Variants in EVI5 observed in about 807,000 individuals in gnomAD.
EVI5 encodes ecotropic viral integration site 5.
Under a neutral mutation model 112.0 loss-of-function variants are expected in EVI5, and 73 were observed. That is an observed-to-expected ratio of 0.65 (90% CI 0.54 to 0.79). The LOEUF (loss-of-function observed/expected upper bound fraction) is 0.79, where lower values mean the gene tolerates loss of function less well. Ranked by LOEUF, EVI5 falls within the 30% of genes least tolerant of loss-of-function variation. EVI5 has a pLI of 0.00. For missense variants in EVI5, 900 were observed against 968.8 expected, an observed-to-expected ratio of 0.93 and a Z score of 0.94; for synonymous variants, 305 against 319.9, an observed-to-expected ratio of 0.95 and a Z score of 0.50.
rs150552801 is a variant in EVI5 at position 92,612,275 on chromosome 1, A to C, written c.1828-4548T>G. On this transcript the variant is annotated intron_variant, in intron 16 of 19. Transcript: ENST00000684568. ...GAAAAAACTAAATCCAATAAAGAGG[A>C]GGAAAGGAAGAAAAAAGGAACAAAA... Among the ~76,000 whole-genome samples the C allele has an allele frequency of 1.3e-3, 197 of 152,292 alleles. 1 individual carries two copies. Among genetic ancestry groups the C allele is most frequent in the African/African-American group, 4.6e-3 (191 of 41,566 alleles).
chr1:92,565,948 C>CA (rs71586755), intron 18 of EVI5, among the ~76,000 whole-genome samples: 574 of 51,822 alleles, frequency 0.011, 19 homozygotes, highest in African/African-American at 0.022. Flanking sequence ...CCAGCCCGAG[C>CA]AAAAAAAAAA....
chr1:92,519,688 T>C (rs550515909), intron 19 of EVI5, among the ~76,000 whole-genome samples: 1 of 151,990 alleles, frequency 6.6e-6, no homozygotes, highest in Non-Finnish European at 1.5e-5. Flanking sequence ...AGGTCGGTAC[T>C]TCGAGACCAG....
At chr1:92,695,285 G>T in intron 7 of EVI5, 25 bp downstream of exon 7, 1 of 1,588,388 alleles carries the variant, frequency 6.3e-7, no homozygotes, top group Non-Finnish European at 8.6e-7. Flanking sequence ...CTCAGCTCCT[G>T]CTCTTTGTCT....
Position 92,684,291 on chromosome 1 carries a change from C to T in EVI5, c.1098-7073G>A, listed in dbSNP as rs1022633719. On this transcript the variant is annotated intron_variant, in intron 9 of 19. Transcript: ENST00000684568. ...GAATTTTCAACCCAGAATCTCATAT[C>T]CAGCCAAACTAAGCTTCAGAAGTGA... 2.0e-5 allele frequency among the ~76,000 whole-genome samples: 3 copies of T among 152,174 alleles called. No individual in the cohort carries two copies. In the East Asian group the frequency reaches 5.8e-4, roughly 29 times the overall value.
At chr1:92,579,885 T>C (rs1052107308) in intron 18 of EVI5, among the ~76,000 whole-genome samples, 1 of 152,220 alleles carries the variant, frequency 6.6e-6, no homozygotes, top group African/African-American at 2.4e-5. Flanking sequence ...TAGAAATGTA[T>C]TATAGTTTGT....
chr1:92,698,605 GAAC>G (rs1271257114), intron 5 of EVI5, among the ~76,000 whole-genome samples: 1 of 152,084 alleles, frequency 6.6e-6, no homozygotes, highest in African/African-American at 2.4e-5. Flanking sequence ...AGCAAATAGA[GAAC>G]TACTAAATTA....
In EVI5 at chr1:92,607,716, A is replaced by G; in HGVS notation, c.1839T>C (p.Asn613=). Residue 613 remains asparagine, a synonymous_variant, in exon 17 of 20, where the codon AAT becomes AAC. Transcript: ENST00000684568. ...GTTCTGCTCTTCGAAGATGGTTACT[A>G]TTGATCTGGTTCTAATAATCAGAAA... ...MMEMETQNQI[N]SNHLRRAEQE... 3 of 1,596,368 alleles carry G rather than the reference A, an allele frequency of 1.9e-6. No homozygotes were observed. In the South Asian group the frequency reaches 3.5e-5, roughly 18 times the overall value.
At chr1:92,766,547 ACT>A (rs1444476609) in intron 1 of EVI5, among the ~76,000 whole-genome samples, 2 of 152,158 alleles carry the variant, frequency 1.3e-5, no homozygotes, top group African/African-American at 2.4e-5. Flanking sequence ...AAGAATTACC[ACT>A]GTTTTGAAAA....
At chr1:92,662,293 G>C (rs1381080202) in intron 13 of EVI5, among the ~76,000 whole-genome samples, 2 of 152,150 alleles carry the variant, frequency 1.3e-5, no homozygotes, top group African/African-American at 4.8e-5. Flanking sequence ...CTTTAAATGA[G>C]ATAACTGCAT....
chr1:92,721,568 C>T (rs1035790972), intron 2 of EVI5, among the ~76,000 whole-genome samples: 4 of 152,116 alleles, frequency 2.6e-5, no homozygotes, highest in Non-Finnish European at 5.9e-5. Context: ...AGGAGAAATA[C>T]CTAATGTAAA....
chr1:92,561,112 C>T (rs995109153), intron 19 of EVI5, among the ~76,000 whole-genome samples: 3 of 152,058 alleles, frequency 2.0e-5, no homozygotes, highest in Non-Finnish European at 4.4e-5. Flanking sequence ...GCGTTGGCTG[C>T]TAAAAGCCTT....
chr1:92,608,792 T>C (rs897648796), intron 16 of EVI5, among the ~76,000 whole-genome samples: 2 of 152,202 alleles, frequency 1.3e-5, no homozygotes, highest in African/African-American at 4.8e-5. Context: ...ATATGTGTAT[T>C]TCTACATGCT....
rs1027865264 is a variant in EVI5 at position 92,706,099 on chromosome 1, G to A, written c.150-1355C>T. On this transcript the variant is annotated intron_variant, in intron 2 of 19. Transcript: ENST00000684568. ...GAAGGAAAATTTAATATATTTTCAT[G>A]GCAACAATAATTAAAATAAAATTTC... Among the ~76,000 whole-genome samples, 3 of 151,646 alleles carry A rather than the reference G, an allele frequency of 2.0e-5. No individual in the cohort carries two copies. In the South Asian group the frequency reaches 6.2e-4, roughly 32 times the overall value.
chr1:92,703,951 G>GAAAAAAAAAAAAA (rs1558110377), intron 3 of EVI5: 1 of 72,812 alleles, frequency 1.4e-5, no homozygotes. Context: ...AAAAAAAAAG[G>GAAAAAAAAAAAAA]AAAATACTGT....
intron 19 of EVI5, among the ~76,000 whole-genome samples, chr1:92,550,795 T>TATATAC (rs1409490838): frequency 5.6e-5 from 5 of 89,084 alleles, no homozygotes; most frequent in Admixed American, 5.3e-4. Flanking sequence ...TATATATATA[T>TATATAC]ATATATATAT....
At chr1:92,705,546 C>T (rs1460119337) in intron 2 of EVI5, among the ~76,000 whole-genome samples, 1 of 152,184 alleles carries the variant, frequency 6.6e-6, no homozygotes, top group Non-Finnish European at 1.5e-5. Context: ...ACTAGGTTTA[C>T]ACTGTTAAAC....
intron 1 of EVI5, among the ~76,000 whole-genome samples, chr1:92,750,863 T>G (rs1216031042): frequency 2.0e-5 from 3 of 152,188 alleles, no homozygotes; most frequent in Non-Finnish European, 4.4e-5. Context: ...TTAAAACATA[T>G]TTTTGGGCCG....
chr1:92,538,417 A>C (rs927534643), intron 19 of EVI5, among the ~76,000 whole-genome samples: 2 of 152,234 alleles, frequency 1.3e-5, no homozygotes, highest in Non-Finnish European at 2.9e-5. Flanking sequence ...TCAAACCTTT[A>C]GCAAAACACC....
chr1:92,637,633 CATTTA>C (rs1659156039), intron 13 of EVI5, among the ~76,000 whole-genome samples: 1 of 152,138 alleles, frequency 6.6e-6, no homozygotes, highest in African/African-American at 2.4e-5. Context: ...TATCACTTCA[CATTTA>C]ATTTATGTAG....
Sources: gnomAD v4.1 joint callset for allele counts (sites outside exome capture counted in the v4.1 genomes callset) on GRCh38, gnomAD v4.1.1 for gene constraint, MANE v1.5 for transcripts, NCBI Gene and HGNC (gene_info 2026-07-23, HGNC 2026-07-21) for gene names.